The following GALNTL6 variants were observed in gnomAD, a reference collection of about 807,000 sequenced individuals.
GALNTL6 encodes the protein polypeptide N-acetylgalactosaminyltransferase-like 6.
Under a neutral mutation model 73.7 loss-of-function variants are expected in GALNTL6, and 46 were observed. That is an observed-to-expected ratio of 0.62 (90% CI 0.49 to 0.80). The LOEUF is 0.80. Among genes scored for constraint, GALNTL6 ranks in the 30% least tolerant of loss-of-function variants. The probability of loss-of-function intolerance (pLI) is 0.00; values close to 1 mark genes in which losing one functional copy is unlikely to be tolerated. For synonymous variants in GALNTL6, 259 were observed against 263.7 expected (o/e 0.98, Z 0.17); for missense variants, 604 against 755.0 (o/e 0.80, Z 2.34).
Position 172,987,463 on chromosome 4 carries a change from G to A in GALNTL6, c.1372-21715G>A, listed in dbSNP as rs867758664. Among the ~76,000 whole-genome samples the A allele has an allele frequency of 2.0e-5, 3 of 152,160 alleles. No individual in the cohort carries two copies. The South Asian group carries it at 6.2e-4, about 32-fold the overall frequency. On this transcript the variant is annotated intron_variant, in intron 10 of 12. Coordinates refer to ENST00000506823, the MANE Select transcript of GALNTL6 (RefSeq NM_001034845.3). ...CCCTCCCATGACACATGAGGATTAT[G>A]GGAACTACAATTCAAGATGAAGTTT... is the stretch of plus-strand genomic sequence containing the variant.
Position 172,607,087 on chromosome 4 carries a change from A to G in GALNTL6, c.554-202274A>G, listed in dbSNP as rs564590402. On this transcript the variant is annotated intron_variant, in intron 5 of 12. Coordinates refer to ENST00000506823, the MANE Select transcript of GALNTL6 (RefSeq NM_001034845.3). ...CTTGAGAAATATTGATGTATAAATG[A>G]TATTTGAAGTCTTGGAAGTATTTCT... is the stretch of plus-strand genomic sequence containing the variant. 5.7e-4 allele frequency among the ~76,000 whole-genome samples: 86 copies of G among 152,166 alleles called. 1 individual carries two copies. In the South Asian group the frequency reaches 0.015, roughly 27 times the overall value.
intron 10 of GALNTL6, among the ~76,000 whole-genome samples, chr4:172,986,567 A>G (rs1235178150): frequency 5.3e-5 from 8 of 152,232 alleles, no homozygotes; most frequent in African/African-American, 1.9e-4. Flanking sequence ...GAAAATTTAA[A>G]TATATCATCT....
chr4:172,864,811 T>C (rs922247850), intron 7 of GALNTL6, among the ~76,000 whole-genome samples: 3 of 152,220 alleles, frequency 2.0e-5, no homozygotes, highest in African/African-American at 7.2e-5. Flanking sequence ...TTTGATGTTC[T>C]ATTTCTATCT....
chr4:172,793,853 T>C (rs1246443208), intron 5 of GALNTL6, among the ~76,000 whole-genome samples: 1 of 152,232 alleles, frequency 6.6e-6, no homozygotes, highest in East Asian at 1.9e-4. Flanking sequence ...CAATGATCTA[T>C]ATTTTTGTAA....
At chr4:172,060,322 A>T (rs1477568920) in intron 2 of GALNTL6, among the ~76,000 whole-genome samples, 2 of 152,200 alleles carry the variant, frequency 1.3e-5, no homozygotes, top group Non-Finnish European at 2.9e-5. Flanking sequence ...CTGCATATAT[A>T]TGCACACAAA....
chr4:172,197,006 T>C (rs1020037428), intron 2 of GALNTL6, among the ~76,000 whole-genome samples: 3 of 152,186 alleles, frequency 2.0e-5, no homozygotes, highest in Non-Finnish European at 4.4e-5. Context: ...ATTGTCTTTG[T>C]TTGCATATGA....
At chr4:172,731,669 A>G (rs934411566) in intron 5 of GALNTL6, among the ~76,000 whole-genome samples, 2 of 152,038 alleles carry the variant, frequency 1.3e-5, no homozygotes, top group African/African-American at 4.8e-5. Context: ...TACTTTTTTG[A>G]TATAAGCATT....
intron 5 of GALNTL6, among the ~76,000 whole-genome samples, chr4:172,655,213 G>C (rs1730915325): frequency 6.6e-6 from 1 of 152,026 alleles, no homozygotes; most frequent in Non-Finnish European, 1.5e-5. Context: ...AAAATCCTTT[G>C]CTCATTTTAA....
At position 171,875,832 on chromosome 4, in the gene GALNTL6, G is replaced by A. The variant is rs1199103110; in HGVS notation, c.138+61114G>A. On this transcript the variant is annotated intron_variant, in intron 2 of 12. Coordinates refer to ENST00000506823, the MANE Select transcript of GALNTL6 (RefSeq NM_001034845.3). Reference sequence around the variant, plus strand: ...TTTTCCAGAGCTTCCTCCCCCAGGTGCTTTATTTCCTGCTCATGGCTAACT... The same window carrying A: ...TTTTCCAGAGCTTCCTCCCCCAGGTACTTTATTTCCTGCTCATGGCTAACT... 3.3e-5 allele frequency among the ~76,000 whole-genome samples: 5 copies of A among 150,556 alleles called. No individual in the cohort carries two copies. In the Admixed American group the frequency reaches 3.3e-4, roughly 10 times the overall value.
chr4:172,352,021 T>C lies in GALNTL6; in HGVS notation c.553+3332T>C, dbSNP rs200521532. Among the ~76,000 whole-genome samples, 148 of 152,276 alleles carry C rather than the reference T, an allele frequency of 9.7e-4. 1 individual carries two copies. The South Asian group carries it at 0.016, about 16-fold the overall frequency. The stretch of plus-strand genomic sequence containing the variant: ...TACAAGAAAGCCAATATTTTAGACA[T>C]GTCATTAGCATGAGCCACTTGCTGA... On this transcript the variant is annotated intron_variant, in intron 5 of 12. Coordinates refer to ENST00000506823, the MANE Select transcript of GALNTL6 (RefSeq NM_001034845.3).
intron 2 of GALNTL6, among the ~76,000 whole-genome samples, chr4:171,974,959 T>C (rs1739676901): frequency 6.6e-6 from 1 of 152,212 alleles, no homozygotes; most frequent in African/African-American, 2.4e-5. Flanking sequence ...TGGCTGTATG[T>C]ATTTTTTGTA....
chr4:172,194,920 T>G (rs1735708012), intron 2 of GALNTL6, among the ~76,000 whole-genome samples: 1 of 152,130 alleles, frequency 6.6e-6, no homozygotes. Context: ...AGTATCATGA[T>G]GACAGGATCA....
intron 5 of GALNTL6, among the ~76,000 whole-genome samples, chr4:172,461,405 A>G (rs1732612076): frequency 6.6e-6 from 1 of 152,212 alleles, no homozygotes; most frequent in African/African-American, 2.4e-5. Flanking sequence ...GATAAATTTT[A>G]TAGCTAAAAT....
At chr4:171,904,502 C>A (rs1737210795) in intron 2 of GALNTL6, among the ~76,000 whole-genome samples, 1 of 152,126 alleles carries the variant, frequency 6.6e-6, no homozygotes, top group Admixed American at 6.5e-5. Context: ...TGTGAAAAGA[C>A]CAAATCTGCG....
chr4:172,744,944 T>G (rs1737015212), intron 5 of GALNTL6, among the ~76,000 whole-genome samples: 1 of 152,014 alleles, frequency 6.6e-6, no homozygotes, highest in Admixed American at 6.6e-5. Context: ...ACATTTTCCC[T>G]TGCCATTCAA....
intron 5 of GALNTL6, among the ~76,000 whole-genome samples, chr4:172,532,012 T>C (rs1159654434): frequency 6.6e-6 from 1 of 151,946 alleles, no homozygotes; most frequent in African/African-American, 2.4e-5. Context: ...TGGGTGGGAG[T>C]AGGTTTCTTC....
At chr4:172,378,397 G>C (rs542533482) in intron 5 of GALNTL6, among the ~76,000 whole-genome samples, 2 of 152,218 alleles carry the variant, frequency 1.3e-5, no homozygotes, top group South Asian at 4.1e-4. Context: ...TGCTGGGAAG[G>C]TGAAAAGATA....
intron 11 of GALNTL6, among the ~76,000 whole-genome samples, chr4:173,016,223 G>A (rs1033022284): frequency 1.3e-5 from 2 of 152,232 alleles, no homozygotes; most frequent in African/African-American, 4.8e-5. Flanking sequence ...AGTGCAGAAG[G>A]GAAATGTGGG....
intron 2 of GALNTL6, among the ~76,000 whole-genome samples, chr4:172,118,661 C>T (rs1289645833): frequency 6.6e-6 from 1 of 151,418 alleles, no homozygotes; most frequent in African/African-American, 2.4e-5. Flanking sequence ...GATTGTGCCA[C>T]TGCACCCCAG....
Sources: allele counts gnomAD v4.1 joint callset (sites outside exome capture counted in the v4.1 genomes callset), GRCh38; gene constraint gnomAD v4.1.1; transcripts MANE v1.5; gene names NCBI Gene and HGNC (gene_info 2026-07-23, HGNC 2026-07-21).